Variants in ETV1 observed in about 807,000 individuals in gnomAD.
ETV1 encodes the protein ETS variant transcription factor 1, also known as ETS translocation variant 1.
A neutral mutation model predicts 62.3 loss-of-function variants in ETV1; 27 were observed. The ratio of observed to expected loss-of-function variants is 0.43; its 90% CI spans 0.32 to 0.60. The LOEUF (loss-of-function observed/expected upper bound fraction) is 0.60, where lower values mean the gene tolerates loss of function less well. ETV1 is among the 20% of genes least tolerant of loss of function. The probability of loss-of-function intolerance (pLI) is 0.06; values close to 1 mark genes in which losing one functional copy is unlikely to be tolerated. For missense variants in ETV1, 605 were observed against 605.8 expected (o/e 1.00, Z 0.01); for synonymous variants, 222 against 199.6 (o/e 1.11, Z -0.94).
Position 13,929,633 on chromosome 7 carries a change from A to G in ETV1, c.802+1869T>C, listed in dbSNP as rs1020289464. On this transcript the variant is annotated intron_variant, in intron 9 of 13. Transcript: ENST00000430479. ...CTTCACGAACAACTGCCCTTTAGCC[A>G]CCCTTGAACCTAGCACTATATATAG... Among the ~76,000 whole-genome samples the G allele has an allele frequency of 1.3e-4, 20 of 152,262 alleles. No individual in the cohort carries two copies. In the South Asian group the frequency reaches 3.5e-3, roughly 27 times the overall value.
chr7:13,954,681 G>T, intron 6 of ETV1, among the ~76,000 whole-genome samples: 1 of 152,022 alleles, frequency 6.6e-6, no homozygotes, highest in East Asian at 1.9e-4. Flanking sequence ...GTCTTAAATT[G>T]ACTATTTTAG....
At chr7:13,934,954 G>C (rs766586485) in intron 8 of ETV1, among the ~76,000 whole-genome samples, 1 of 152,170 alleles carries the variant, frequency 6.6e-6, no homozygotes. Flanking sequence ...AAGAGATAAA[G>C]AAGGAGAGAT....
chr7:13,949,415 C>A (rs1788540889), intron 6 of ETV1, among the ~76,000 whole-genome samples: 1 of 152,150 alleles, frequency 6.6e-6, no homozygotes, highest in Non-Finnish European at 1.5e-5. Context: ...AAGGGGAAGG[C>A]TTGAGTATAA....
At chr7:13,910,358 T>C (rs1199977261) in intron 10 of ETV1, among the ~76,000 whole-genome samples, 1 of 151,898 alleles carries the variant, frequency 6.6e-6, no homozygotes, top group Non-Finnish European at 1.5e-5. Context: ...CTATCTGTGA[T>C]TACCAGGAAT....
At chr7:13,941,027 G>T (rs1787442166) in intron 6 of ETV1, among the ~76,000 whole-genome samples, 1 of 152,076 alleles carries the variant, frequency 6.6e-6, no homozygotes, top group African/African-American at 2.4e-5. Flanking sequence ...GTGTGTGTGT[G>T]TACATACATG....
chr7:13,985,912 T>G (rs1387441005), intron 5 of ETV1, among the ~76,000 whole-genome samples: 1 of 152,238 alleles, frequency 6.6e-6, no homozygotes. Context: ...ACCACAAAAT[T>G]TTAACAAAAA....
At position 13,935,754 on chromosome 7, in the gene ETV1, G is replaced by A; in HGVS notation, c.508C>T (p.Pro170Ser). 1.9e-6 allele frequency: 3 copies of A among 1,613,902 alleles called. No individual in the cohort carries two copies. The highest frequency in any genetic ancestry group is 1.3e-5 in the African/African-American group (1 of 75,012). ...KPDRAFPAHLPPSQSIPDSSY... is the reference protein window; with the variant it reads ...KPDRAFPAHLSPSQSIPDSSY... ...CTATCTGGTATGGACTGCGATGGAG[G>A]GAGGTGAGCTGGGAAGGCCCGGTCA... The change falls in exon 8 of 14, where the codon CCT becomes TCT. Residue 170 changes from proline to serine, a missense_variant. Physicochemically the swap from Pro to Ser is moderately conservative, Grantham distance 74 (BLOSUM62 -1). Around this residue, in one of 3 missense-constraint regions of ETV1, gnomAD observed 426 missense variants for 377.8 expected, o/e 1.13. Coordinates refer to ENST00000430479, the MANE Select transcript of ETV1 (RefSeq NM_004956.5).
At chr7:13,950,943 A>C (rs1055814589) in intron 6 of ETV1, among the ~76,000 whole-genome samples, 2 of 109,182 alleles carry the variant, frequency 1.8e-5, no homozygotes, top group South Asian at 3.3e-4. Context: ...CACACACACA[A>C]TATCGAGCAA....
At chr7:13,914,895 C>T (rs2282880) in intron 9 of ETV1, among the ~76,000 whole-genome samples, 101,354 of 152,026 alleles carry the variant, frequency 0.67, 33,919 homozygotes, top group South Asian at 0.72. Context: ...GCCACAGTTG[C>T]CTGAAATATC....
At chr7:13,989,786 G>A (rs1782881964), upstream of ETV1, 1 of 394,516 alleles carries the variant, frequency 2.5e-6, no homozygotes, top group African/African-American at 2.1e-5. Context: ...ATTTCGGGCT[G>A]TCAATCAGGC....
At chr7:13,910,892 G>C (rs1389598500) in intron 10 of ETV1, among the ~76,000 whole-genome samples, 6 of 152,072 alleles carry the variant, frequency 3.9e-5, no homozygotes, top group African/African-American at 1.4e-4. Context: ...ACTATGACTA[G>C]GTCTGTAAAA....
intron 9 of ETV1, among the ~76,000 whole-genome samples, chr7:13,929,403 G>A (rs1785821288): frequency 6.6e-6 from 1 of 152,146 alleles, no homozygotes; most frequent in Non-Finnish European, 1.5e-5. Flanking sequence ...CTTTGCAACT[G>A]TATACCATAA....
chr7:13,891,912 T>C lies in ETV1; in HGVS notation c.*3954A>G, dbSNP rs926330396. ...TTTCTAGGATTCCAAGTAACAAACATCCAAATGACCTTCTCCTCTGTAATG... is the reference window on the plus strand; with the variant it reads ...TTTCTAGGATTCCAAGTAACAAACACCCAAATGACCTTCTCCTCTGTAATG... On this transcript the variant is annotated 3_prime_UTR_variant, in exon 14 of 14. Transcript: ENST00000430479. The C allele has an allele frequency of 4.3e-6, 1 of 231,490 alleles. No individual in the cohort carries two copies. The highest frequency in any genetic ancestry group is 2.2e-5 in the African/African-American group (1 of 45,274). 14.3% of individuals were successfully genotyped at this position (231,490 alleles called of 1,614,324 possible).
chr7:13,917,094 C>G (rs1784257750), intron 9 of ETV1, among the ~76,000 whole-genome samples: 1 of 152,150 alleles, frequency 6.6e-6, no homozygotes, highest in Middle Eastern at 3.4e-3. Context: ...TTATAAACTT[C>G]TCTTGTAAGC....
intron 6 of ETV1, among the ~76,000 whole-genome samples, chr7:13,959,304 T>C (rs1220596814): frequency 3.3e-4 from 50 of 152,162 alleles, no homozygotes; most frequent in Admixed American, 3.3e-3. Context: ...GATGGGGCAC[T>C]GAGCCTAACT....
intron 7 of ETV1, among the ~76,000 whole-genome samples, chr7:13,936,106 T>C (rs1003932831): frequency 6.6e-6 from 1 of 152,178 alleles, no homozygotes; most frequent in African/African-American, 2.4e-5. Context: ...ATGCAAAACC[T>C]TGTAACAGAA....
chr7:13,969,606 T>C (rs574089388), intron 6 of ETV1, among the ~76,000 whole-genome samples: 2 of 152,318 alleles, frequency 1.3e-5, no homozygotes, highest in South Asian at 4.1e-4. Flanking sequence ...AGCCTAGTTC[T>C]AGGCCTGTAA....
At chr7:13,913,121 C>T (rs558072895) in intron 9 of ETV1, among the ~76,000 whole-genome samples, 9 of 152,204 alleles carry the variant, frequency 5.9e-5, no homozygotes, top group Non-Finnish European at 1.0e-4. Context: ...AGCTAAGCGG[C>T]GACTTCAAAG....
At chr7:13,983,185 T>C (rs947975158) in intron 5 of ETV1, among the ~76,000 whole-genome samples, 2 of 152,044 alleles carry the variant, frequency 1.3e-5, no homozygotes, top group East Asian at 1.9e-4. Context: ...ACAGAGAATA[T>C]TGTTGATGAA....
Sources: allele counts gnomAD v4.1 joint callset (sites outside exome capture counted in the v4.1 genomes callset), GRCh38; gene constraint gnomAD v4.1.1; regional missense constraint gnomAD v4.1.1; transcripts MANE v1.5; gene names NCBI Gene and HGNC (gene_info 2026-07-23, HGNC 2026-07-21).